ROBO2: variants seen among roughly 807,000 people sequenced by gnomAD.
ROBO2 encodes the protein roundabout homolog 2.
In ROBO2, 53 loss-of-function variants were observed where a neutral mutation model predicts 160.8. The ratio of observed to expected loss-of-function variants is 0.33; its 90% CI spans 0.26 to 0.41. ROBO2 has a LOEUF of 0.41. Ranked by LOEUF, ROBO2 falls within the 10% of genes least tolerant of loss-of-function variation. The probability of loss-of-function intolerance (pLI) is 1.00; values close to 1 mark genes in which losing one functional copy is unlikely to be tolerated. For missense variants in ROBO2, 1,577 were observed against 1,722.4 expected, an observed-to-expected ratio of 0.92 and a Z score of 1.49; for synonymous variants, 664 against 611.7, an observed-to-expected ratio of 1.09 and a Z score of -1.26.
Position 76,500,553 on chromosome 3 carries a change from C to T in ROBO2, c.109+562951C>T, listed in dbSNP as rs146952770. ...AAACAAAGTCAACACAGAAGCTCCTCCTTTCCTTAAAGAATAAATTCCTCT... is the reference window on the plus strand; with the variant it reads ...AAACAAAGTCAACACAGAAGCTCCTTCTTTCCTTAAAGAATAAATTCCTCT... On this transcript the variant is annotated intron_variant, in intron 2 of 26. Transcript: ENST00000487694. 4.7e-4 allele frequency among the ~76,000 whole-genome samples: 71 copies of T among 152,290 alleles called. 1 individual carries two copies. The highest frequency in any genetic ancestry group is 1.7e-3 in the African/African-American group (71 of 41,572).
At chr3:76,273,409 G>T (rs761343861) in intron 2 of ROBO2, among the ~76,000 whole-genome samples, 1 of 151,846 alleles carries the variant, frequency 6.6e-6, no homozygotes, top group Non-Finnish European at 1.5e-5. Context: ...AACACGGAGT[G>T]GGTGTATTAG....
chr3:77,346,458 G>A (rs1044757559), intron 2 of ROBO2, among the ~76,000 whole-genome samples: 9 of 149,268 alleles, frequency 6.0e-5, no homozygotes, highest in African/African-American at 1.9e-4. Flanking sequence ...TTGAGAAATA[G>A]GGTTTGTTTT....
At chr3:76,698,692 G>A (rs181198172) in intron 2 of ROBO2, among the ~76,000 whole-genome samples, 9 of 152,246 alleles carry the variant, frequency 5.9e-5, no homozygotes, top group African/African-American at 1.9e-4. Flanking sequence ...ACGTTTTCAA[G>A]ATCTATCTGG....
In ROBO2 at chr3:77,333,373, C is replaced by T. The variant is rs116747866; in HGVS notation, c.389-144041C>T. On this transcript the variant is annotated intron_variant, in intron 2 of 25. Transcript: ENST00000461745. ...GGGAAGCTTTCTGCTTCTATGTAGT[C>T]GAAATGGTAAAGAATCCTAGATTTT... Among the ~76,000 whole-genome samples the T allele has an allele frequency of 1.6e-3, 248 of 152,078 alleles. 1 individual carries two copies. Among genetic ancestry groups the T allele is most frequent in the African/African-American group, 5.8e-3 (242 of 41,462 alleles).
chr3:77,206,617 T>C (rs567193453), intron 2 of ROBO2, among the ~76,000 whole-genome samples: 159 of 152,294 alleles, frequency 1.0e-3, no homozygotes, highest in African/African-American at 3.6e-3. Context: ...TATATCTTTT[T>C]GAGGAACACA....
intron 2 of ROBO2, among the ~76,000 whole-genome samples, chr3:76,543,141 A>G (rs924388869): frequency 6.6e-6 from 1 of 152,110 alleles, no homozygotes; most frequent in African/African-American, 2.4e-5. Flanking sequence ...CTGCATTCTA[A>G]ATTTTCTTAG....
chr3:76,347,581 A>G (rs2074604137), intron 2 of ROBO2, among the ~76,000 whole-genome samples: 1 of 152,012 alleles, frequency 6.6e-6, no homozygotes, highest in South Asian at 2.1e-4. Flanking sequence ...TGAGGCACTA[A>G]GTGTGATTTT....
At chr3:77,205,915 G>A (rs1003817428) in intron 2 of ROBO2, among the ~76,000 whole-genome samples, 3 of 152,188 alleles carry the variant, frequency 2.0e-5, no homozygotes, top group South Asian at 2.1e-4. Context: ...ACTACGAAAT[G>A]AGTGGCTTAA....
At chr3:77,011,738 G>T (rs2061935850) in intron 2 of ROBO2, among the ~76,000 whole-genome samples, 1 of 151,986 alleles carries the variant, frequency 6.6e-6, no homozygotes, top group African/African-American at 2.4e-5. Flanking sequence ...TTTAAACTTT[G>T]CATGAAGTTT....
At chr3:77,035,440 T>C (rs1170180717), upstream of ROBO2, among the ~76,000 whole-genome samples, 1 of 151,780 alleles carries the variant, frequency 6.6e-6, no homozygotes, top group African/African-American at 2.4e-5. Flanking sequence ...TAAATAATGA[T>C]TTTCCAAATA....
At chr3:75,963,426 G>C (rs1948994811) in intron 2 of ROBO2, among the ~76,000 whole-genome samples, 1 of 151,722 alleles carries the variant, frequency 6.6e-6, no homozygotes, top group Non-Finnish European at 1.5e-5. Context: ...TGAACTTCCA[G>C]CCTCAAGTGA....
chr3:75,918,549 G>A (rs547214927), intron 1 of ROBO2, among the ~76,000 whole-genome samples: 1 of 152,154 alleles, frequency 6.6e-6, no homozygotes, highest in East Asian at 1.9e-4. Flanking sequence ...ATTTAACATA[G>A]TTTTTTTCTA....
intron 21 of ROBO2, among the ~76,000 whole-genome samples, chr3:77,613,895 T>C (rs1328598932): frequency 6.6e-6 from 1 of 152,170 alleles, no homozygotes; most frequent in African/African-American, 2.4e-5. Flanking sequence ...GAAACCTTCA[T>C]ACAAGATATG....
intron 6 of ROBO2, among the ~76,000 whole-genome samples, chr3:77,536,911 A>C (rs1334963307): frequency 6.6e-6 from 1 of 152,130 alleles, no homozygotes; most frequent in Non-Finnish European, 1.5e-5. Flanking sequence ...TGCTTATGAG[A>C]TCTAAAAATG....
intron 2 of ROBO2, among the ~76,000 whole-genome samples, chr3:76,592,296 AT>A (rs2086464418): frequency 6.6e-6 from 1 of 152,202 alleles, no homozygotes; most frequent in South Asian, 2.1e-4. Context: ...TTTTTAACCA[AT>A]TCCCCTGGAG....
intron 2 of ROBO2, among the ~76,000 whole-genome samples, chr3:76,096,601 G>C (rs1295335991): frequency 6.6e-6 from 1 of 152,096 alleles, no homozygotes; most frequent in Non-Finnish European, 1.5e-5. Flanking sequence ...AATTTCTATA[G>C]ATTATGATAA....
intron 2 of ROBO2, among the ~76,000 whole-genome samples, chr3:77,322,518 G>A (rs935255402): frequency 6.6e-6 from 1 of 151,704 alleles, no homozygotes; most frequent in African/African-American, 2.4e-5. Flanking sequence ...TCAATTTAAA[G>A]GAACATGATA....
At chr3:77,571,971 A>T (rs1031028070) in intron 13 of ROBO2, among the ~76,000 whole-genome samples, 11 of 151,882 alleles carry the variant, frequency 7.2e-5, no homozygotes, top group Admixed American at 2.6e-4. Context: ...GCCCCATACG[A>T]TATACTGGCC....
At chr3:75,949,024 C>T (rs1272592160) in intron 2 of ROBO2, among the ~76,000 whole-genome samples, 1 of 152,016 alleles carries the variant, frequency 6.6e-6, no homozygotes, top group Non-Finnish European at 1.5e-5. Context: ...ATGTGTAACT[C>T]TTACACAAAG....
Sources: gnomAD v4.1 joint callset for allele counts (sites outside exome capture counted in the v4.1 genomes callset) on GRCh38, gnomAD v4.1.1 for gene constraint, MANE v1.5 for transcripts, NCBI Gene and HGNC (gene_info 2026-07-23, HGNC 2026-07-21) for gene names.